Variants in VCAM1 observed in about 807,000 individuals in gnomAD.
The protein encoded by VCAM1 is vascular cell adhesion molecule 1.
Under a neutral mutation model 63.8 loss-of-function variants are expected in VCAM1, and 41 were observed. The ratio of observed to expected loss-of-function variants is 0.64; its 90% CI spans 0.50 to 0.83. The LOEUF (loss-of-function observed/expected upper bound fraction) is 0.83. VCAM1 is among the 40% of genes least tolerant of loss of function. The probability of loss-of-function intolerance (pLI) is 0.00; values close to 1 mark genes in which losing one functional copy is unlikely to be tolerated. For synonymous variants in VCAM1, 338 were observed against 320.7 expected, an observed-to-expected ratio of 1.05 and a Z score of -0.58; for missense variants, 798 against 875.5, an observed-to-expected ratio of 0.91 and a Z score of 1.12.
rs1660032477 is a variant in VCAM1 at position 100,723,325 on chromosome 1, G to C, written c.646G>C (p.Glu216Gln). The C allele has an allele frequency of 6.2e-7, 1 of 1,612,084 alleles. No individual in the cohort carries two copies. The highest frequency in any genetic ancestry group is 1.7e-5 in the Admixed American group (1 of 59,830). The change falls in exon 3 of 9, where the codon GAA becomes CAA. Residue 216 changes from glutamate to glutamine, a missense_variant. Transcript: ENST00000294728. ...SVPTVRQAVK[E>Q]LQVYISPKNT... Reference sequence around the variant, plus strand: ...GCCCACAGTAAGGCAGGCTGTAAAAGAATTGCAAGTCTACAGTAAGTACTT... The same window carrying C: ...GCCCACAGTAAGGCAGGCTGTAAAACAATTGCAAGTCTACAGTAAGTACTT...
In VCAM1 at chr1:100,723,194, C is replaced by T. The variant is rs777975282; in HGVS notation, c.515C>T (p.Ser172Phe). Residue 172 changes from serine to phenylalanine, a missense_variant, in exon 3 of 9, where the codon TCC (serine) becomes TTC (phenylalanine). Coordinates refer to ENST00000294728, the MANE Select transcript of VCAM1 (RefSeq NM_001078.4). ...QEFLEDADRK[S>F]LETKSLEVTF... Reference sequence around the variant, plus strand: ...TTTCTGGAGGATGCAGACAGGAAGTCCCTGGAAACCAAGAGTTTGGAAGTA... The same window carrying T: ...TTTCTGGAGGATGCAGACAGGAAGTTCCTGGAAACCAAGAGTTTGGAAGTA... 4 of 1,612,948 alleles carry T rather than the reference C, an allele frequency of 2.5e-6. No individual in the cohort carries two copies. In the Admixed American group the frequency reaches 5.0e-5, roughly 20 times the overall value.
Position 100,731,245 on chromosome 1 carries a change from G to A in VCAM1, c.1252G>A (p.Gly418Arg), listed in dbSNP as rs368795788. Residue 418 changes from glycine (G) to arginine (R), a missense_variant, in exon 6 of 9, where the codon GGG (glycine) becomes AGG (arginine). Coordinates refer to ENST00000294728, the MANE Select transcript of VCAM1 (RefSeq NM_001078.4). The surrounding 1 kb of genome is among the most constrained non-coding windows in gnomAD (Gnocchi z 4.2). ...EIEMSGGLVN[G>R]SSVTVSCKVP... ...CGAGATGAGTGGTGGCCTCGTGAAT[G>A]GGAGCTCTGTCACTGTAAGCTGCAA... 16 of 1,613,318 alleles carry A rather than the reference G, an allele frequency of 9.9e-6. No homozygotes were observed. The highest frequency in any genetic ancestry group is 1.2e-5 in the Non-Finnish European group (14 of 1,179,608).
Position 100,732,680 on chromosome 1 carries a change from C to A in VCAM1, c.1788C>A (p.Ile596=). ...GRSRKEVELI[I]QVTPKDIKLT... is the part of the protein sequence containing the mutation. ...GCAGAAAGGAAGTGGAATTAATTAT[C>A]CAAGGTGAGCAGAGTGTGAGTAATG... is the stretch of plus-strand genomic sequence containing the variant. The change falls in exon 7 of 9, where the codon ATC becomes ATA. Residue 596 remains isoleucine, a synonymous_variant. Transcript: ENST00000294728. The A allele has an allele frequency of 6.3e-7, 1 of 1,589,814 alleles. No homozygotes were observed. Among genetic ancestry groups the A allele is most frequent in the African/African-American group, 1.4e-5 (1 of 74,050 alleles).
rs182702294 is a variant in VCAM1 at position 100,732,879 on chromosome 1, A to G, written c.1792+195A>G. Among the ~76,000 whole-genome samples, 243 of 152,318 alleles carry G rather than the reference A, an allele frequency of 1.6e-3. 1 individual carries two copies. The highest frequency in any genetic ancestry group is 5.6e-3 in the African/African-American group (234 of 41,576). On this transcript the variant is annotated intron_variant, in intron 7 of 8. Coordinates refer to ENST00000294728, the MANE Select transcript of VCAM1 (RefSeq NM_001078.4). Reference sequence around the variant, plus strand: ...TCTCATGAATTGTTACAAGTTTCTTATCCTGAGATTCTTTTAAACTCAAGT... The same window carrying G: ...TCTCATGAATTGTTACAAGTTTCTTGTCCTGAGATTCTTTTAAACTCAAGT...
Position 100,731,171 on chromosome 1 carries a change from A to G in VCAM1, c.1205-27A>G. The G allele has an allele frequency of 6.4e-7, 1 of 1,562,154 alleles. No homozygotes were observed. The highest frequency in any genetic ancestry group is 8.6e-7 in the Non-Finnish European group (1 of 1,157,566). The stretch of plus-strand genomic sequence containing the variant: ...AATTTTTCCTTGAATATCAAGAATA[A>G]AAATCGTTTTTGCTTGCGATTTGCA... On this transcript the variant is annotated intron_variant, in intron 5 of 8. Transcript: ENST00000294728. The surrounding 1 kb of genome is among the most constrained non-coding windows in gnomAD (Gnocchi z 4.2).
At position 100,724,475 on chromosome 1, in the gene VCAM1, T is replaced by C. The variant is rs1232384287; in HGVS notation, c.662-149T>C. 1.7e-5 allele frequency: 15 copies of C among 888,002 alleles called. No homozygotes were observed. The East Asian group carries it at 3.7e-4, about 22-fold the overall frequency. 55.0% of individuals were successfully genotyped at this position (888,002 alleles called of 1,614,324 possible). On this transcript the variant is annotated intron_variant, in intron 3 of 8. Coordinates refer to ENST00000294728, the MANE Select transcript of VCAM1 (RefSeq NM_001078.4). ...GTTTAGTCAGAAACTGGATAGACTA[T>C]TTTGAATGATTCAGCAGTTCTTTAT...
At chr1:100,724,595 A>G in intron 3 of VCAM1, 29 bp from the exon 4 acceptor site, 2 of 1,603,960 alleles carry the variant, frequency 1.2e-6, no homozygotes, top group African/African-American at 2.7e-5. Flanking sequence ...ATGCTTAGCA[A>G]TTGCTAATAT....
chr1:100,722,784 A>G (rs763399129), intron 2 of VCAM1, among the ~76,000 whole-genome samples: 1 of 152,092 alleles, frequency 6.6e-6, no homozygotes, highest in Non-Finnish European at 1.5e-5. Context: ...TACTGTAATA[A>G]CATGCAACTC....
chr1:100,738,344 C>A lies in VCAM1; in HGVS notation c.*61C>A, dbSNP rs942425133. 3.3e-6 allele frequency: 5 copies of A among 1,514,754 alleles called. No individual in the cohort carries two copies. The African/African-American group carries it at 7.0e-5, about 21-fold the overall frequency. The allele number at this position is 1,514,754 out of a possible 1,614,324, so 93.8% of individuals were successfully genotyped here. On this transcript the variant is annotated 3_prime_UTR_variant, in exon 9 of 9. Coordinates refer to ENST00000294728, the MANE Select transcript of VCAM1 (RefSeq NM_001078.4). ...ATCTGTGCAAATCCTTGATACTGCT[C>A]ATCATTCCTTGAGAAAAACAATGAG...
Position 100,737,992 on chromosome 1 carries a change from T to C in VCAM1, c.2060-131T>C, listed in dbSNP as rs1571464184. ...AAACATGCATCTTGGGTCCTGATGGTCCTTATCACTGCTTTGATTCCCTTC... is the reference window on the plus strand; with the variant it reads ...AAACATGCATCTTGGGTCCTGATGGCCCTTATCACTGCTTTGATTCCCTTC... On this transcript the variant is annotated intron_variant, in intron 8 of 8. Transcript: ENST00000294728. The C allele has an allele frequency of 5.0e-6, 5 of 993,536 alleles. No homozygotes were observed. The East Asian group carries it at 7.3e-5, about 14-fold the overall frequency. The allele number at this position is 993,536 out of a possible 1,614,324, so 61.5% of individuals were successfully genotyped here.
chr1:100,737,637 T>TA (rs1553220592), intron 8 of VCAM1: 1 of 152,216 alleles, frequency 6.6e-6, no homozygotes, highest in Non-Finnish European at 1.5e-5. Flanking sequence ...TTTTTTCTCT[T>TA]ACGATCTTAT....
In VCAM1 at chr1:100,723,598, G is replaced by T. The variant is rs374312515; in HGVS notation, c.661+258G>T. On this transcript the variant is annotated intron_variant, in intron 3 of 8. Coordinates refer to ENST00000294728, the MANE Select transcript of VCAM1 (RefSeq NM_001078.4). ...GGTTACTTAATTTCTCTATTTCCCA[G>T]TGTATAAAAGGGGAATAGTAATACC... Among the ~76,000 whole-genome samples, 12 of 152,116 alleles carry T rather than the reference G, an allele frequency of 7.9e-5. No homozygotes were observed. The South Asian group carries it at 1.9e-3, about 24-fold the overall frequency.
In VCAM1 at chr1:100,723,208, A is replaced by G. The variant is rs1660024966; in HGVS notation, c.529A>G (p.Ser177Gly). The change falls in exon 3 of 9, where the codon AGT (serine) becomes GGT (glycine). Residue 177 changes from serine (S) to glycine (G), a missense_variant. By Grantham distance (56) the Ser-to-Gly change is moderately conservative. Coordinates refer to ENST00000294728, the MANE Select transcript of VCAM1 (RefSeq NM_001078.4). ...AGACAGGAAGTCCCTGGAAACCAAGAGTTTGGAAGTAACCTTTACTCCTGT... is the reference window on the plus strand; with the variant it reads ...AGACAGGAAGTCCCTGGAAACCAAGGGTTTGGAAGTAACCTTTACTCCTGT... ...DADRKSLETK[S>G]LEVTFTPVIE... is the part of the protein sequence containing the mutation. The G allele has an allele frequency of 1.9e-6, 3 of 1,613,150 alleles. No homozygotes were observed. The South Asian group carries it at 3.3e-5, about 18-fold the overall frequency.
chr1:100,724,531 G>T (rs1238022080), intron 3 of VCAM1, 93 bp from the exon 4 acceptor site: 3 of 1,420,358 alleles, frequency 2.1e-6, no homozygotes, highest in Non-Finnish European at 1.9e-6. Context: ...TCATCAAATT[G>T]GTGGAAGCAC....
intron 4 of VCAM1, among the ~76,000 whole-genome samples, chr1:100,725,568 G>A (rs1258399889): frequency 6.6e-6 from 1 of 151,884 alleles, no homozygotes; most frequent in African/African-American, 2.4e-5. Context: ...ATATTTCCCA[G>A]GAATTCTGTA....
chr1:100,721,827 A>G (rs1659965554), intron 2 of VCAM1, among the ~76,000 whole-genome samples: 1 of 152,116 alleles, frequency 6.6e-6, no homozygotes, highest in Non-Finnish European at 1.5e-5. Context: ...GTTACCTGAC[A>G]TCGAACTGTG....
chr1:100,732,791 A>G, intron 7 of VCAM1, 107 bp downstream of exon 7: 1 of 1,290,200 alleles, frequency 7.8e-7, no homozygotes, highest in Non-Finnish European at 1.0e-6. Flanking sequence ...CAAAAGTGTG[A>G]TGAGGGTTTT....
intron 7 of VCAM1, 39 bp from the exon 8 acceptor site, chr1:100,734,463 T>C: frequency 1.3e-6 from 2 of 1,582,352 alleles, no homozygotes; most frequent in Non-Finnish European, 1.7e-6. Flanking sequence ...TGGTTTATAT[T>C]TCACTCAATC....
At chr1:100,730,362 A>G (rs896831922) in intron 5 of VCAM1, among the ~76,000 whole-genome samples, 1 of 152,168 alleles carries the variant, frequency 6.6e-6, no homozygotes, top group Non-Finnish European at 1.5e-5. Context: ...ATTGCAACAT[A>G]GAAATATTTG....
Sources: allele counts gnomAD v4.1 joint callset (sites outside exome capture counted in the v4.1 genomes callset), GRCh38; gene constraint gnomAD v4.1.1; non-coding constraint Gnocchi (gnomAD v3.1); transcripts MANE v1.5; gene names NCBI Gene and HGNC (gene_info 2026-07-23, HGNC 2026-07-21).